MOB3A: variants seen among roughly 807,000 people sequenced by gnomAD.
MOB3A encodes MOB LAK.
Under a neutral mutation model 17.8 loss-of-function variants are expected in MOB3A, and 17 were observed. The observed-to-expected ratio is 0.95, with a 90% CI of 0.65 to 1.43. MOB3A has a LOEUF of 1.43. Ranked by LOEUF, MOB3A falls within the 40% of genes most tolerant of loss-of-function variation. MOB3A has a pLI of 0.00. For synonymous variants in MOB3A, 124 were observed against 133.2 expected (o/e 0.93, Z 0.48); for missense variants, 333 against 310.8 (o/e 1.07, Z -0.54).
chr19:2,080,308 C>T (rs547111443), intron 2 of MOB3A, among the ~76,000 whole-genome samples: 11 of 152,122 alleles, frequency 7.2e-5, no homozygotes, highest in African/African-American at 2.6e-4. Context: ...CATGCCCAGG[C>T]CTCCTGGGCT....
Position 2,076,939 on chromosome 19 carries a change from C to T in MOB3A, c.496G>A (p.Val166Ile), listed in dbSNP as rs778043036. ...LSRLFRVFVH[V>I]YIHHFDRIAQ... ...ATGCGGTCAAAGTGGTGGATGTAGA[C>T]GTGCACGAACACGCGGAACAGCCGC... is the stretch of plus-strand genomic sequence containing the variant. The change falls in exon 4 of 5, where the codon GTC (valine) becomes ATC (isoleucine). Residue 166 changes from valine (V) to isoleucine (I), a missense_variant. By Grantham distance (29) the Val-to-Ile change is conservative. Transcript: ENST00000357066. 6.2e-7 allele frequency: 1 copy of T among 1,614,002 alleles called. No individual in the cohort carries two copies. The highest frequency in any genetic ancestry group is 1.7e-5 in the Admixed American group (1 of 60,012).
intron 2 of MOB3A, chr19:2,083,988 T>C (rs966155218): frequency 9.2e-6 from 3 of 325,142 alleles, no homozygotes; most frequent in African/African-American, 2.2e-5. Flanking sequence ...CCCAGGCTGG[T>C]CTTGAACTCC....
At chr19:2,084,592 T>C (rs1373066108) in intron 2 of MOB3A, among the ~76,000 whole-genome samples, 1 of 151,796 alleles carries the variant, frequency 6.6e-6, no homozygotes, top group African/African-American at 2.4e-5. Context: ...GTTTTTTTTT[T>C]CCTTTTTATT....
rs768815614 is a variant in MOB3A, at chr19:2,078,395, C to T, written c.166G>A (p.Asp56Asn). 1 of 1,614,170 alleles carries T rather than the reference C, an allele frequency of 6.2e-7. No homozygotes were observed. Among genetic ancestry groups the T allele is most frequent in the Admixed American group, 1.7e-5 (1 of 60,016 alleles). Residue 56 changes from aspartate (D) to asparagine (N), a missense_variant, in exon 3 of 5, where the codon GAC becomes AAC. Asp to Asn is a conservative substitution (Grantham distance 23, BLOSUM62 1). Coordinates refer to ENST00000357066, the MANE Select transcript of MOB3A (RefSeq NM_130807.3). ...TGAACAGCCACCCAGTCGTTCAGGT[C>T]CTCGCCCGGGGGCAACTGCACGGCC... ...RLAVQLPPGE[D>N]LNDWVAVHVV... is the part of the protein sequence containing the mutation.
rs1213227604 is a variant in MOB3A, at chr19:2,094,198, C to T, written c.-274+2028G>A. On this transcript the variant is annotated intron_variant, in intron 1 of 4. Coordinates refer to ENST00000357066, the MANE Select transcript of MOB3A (RefSeq NM_130807.3). ...AGTAGCTGGGACTACGGGCACCCGC[C>T]GCCACGCCCGGCTAATTTTTTTGTC... Among the ~76,000 whole-genome samples the T allele has an allele frequency of 2.6e-5, 4 of 151,982 alleles. No individual in the cohort carries two copies. The South Asian group carries it at 8.3e-4, about 32-fold the overall frequency.
rs746478633 is a variant in MOB3A at position 2,078,251 on chromosome 19, C to T, written c.310G>A (p.Glu104Lys). 8.7e-6 allele frequency: 14 copies of T among 1,614,092 alleles called. No individual in the cohort carries two copies. In the South Asian group the frequency reaches 1.2e-4, roughly 14 times the overall value. ...GPKYEYRWQDEHKFRKPTALS... is the reference protein window; with the variant it reads ...GPKYEYRWQDKHKFRKPTALS... ...GCCGTGGGCTTCCGGAACTTATGCT[C>T]ATCCTGCCAGCGGTACTCATACTTG... The change falls in exon 3 of 5, where the codon GAG (glutamate) becomes AAG (lysine). Residue 104 changes from glutamate (E) to lysine (K), a missense_variant. Transcript: ENST00000357066.
chr19:2,072,065 GCTGC>G lies in MOB3A; in HGVS notation c.*1326_*1329del, dbSNP rs1169843870. 6.6e-6 allele frequency: 1 copy of G among 152,182 alleles called. No homozygotes were observed. Among genetic ancestry groups the G allele is most frequent in the African/African-American group, 2.4e-5 (1 of 41,402 alleles). 9.4% of individuals were successfully genotyped at this position (152,182 alleles called of 1,614,324 possible). A position where few individuals can be genotyped will look rare whatever the true frequency, so the allele number is the denominator to read the frequency against. On this transcript the variant is annotated 3_prime_UTR_variant, in exon 5 of 5. Transcript: ENST00000357066. ...GTGACGGTGGGTGCCTGTAGTCCCAGCTGCTGGGGAGGCTGAGGCAGGAGAATGG... is the reference window on the plus strand; with the variant it reads ...GTGACGGTGGGTGCCTGTAGTCCCAGTGGGGAGGCTGAGGCAGGAGAATGG...
intron 3 of MOB3A, 118 bp downstream of exon 3, chr19:2,078,022 C>T (rs375762565): frequency 2.2e-5 from 24 of 1,075,398 alleles, no homozygotes; most frequent in South Asian, 7.6e-5. Flanking sequence ...TGGGCTCAAG[C>T]GATCCCTGGG....
intron 1 of MOB3A, chr19:2,095,347 C>T (rs1035506707): frequency 6.6e-6 from 1 of 152,110 alleles, no homozygotes; most frequent in African/African-American, 2.4e-5. Flanking sequence ...CCCTCGCTTA[C>T]ACTTTCTAGC....
intron 2 of MOB3A, 50 bp from the exon 3 acceptor site, chr19:2,078,729 G>A (rs556855267): frequency 1.1e-4 from 69 of 630,088 alleles, no homozygotes; most frequent in East Asian, 4.1e-4. Context: ...AGAATTTCCC[G>A]GAAACTCGTG....
At chr19:2,091,692 CT>C (rs964218108) in intron 1 of MOB3A, among the ~76,000 whole-genome samples, 1 of 150,094 alleles carries the variant, frequency 6.7e-6, no homozygotes, top group Non-Finnish European at 1.5e-5. Context: ...GCTCTAAGAC[CT>C]TTTTTGTTAA....
rs182467488 is a variant in MOB3A at position 2,090,904 on chromosome 19, C to T, written c.-274+5322G>A. Among the ~76,000 whole-genome samples, 38 of 152,290 alleles carry T rather than the reference C, an allele frequency of 2.5e-4. No individual in the cohort carries two copies. The East Asian group carries it at 4.1e-3, about 16-fold the overall frequency. On this transcript the variant is annotated intron_variant, in intron 1 of 4. Coordinates refer to ENST00000357066, the MANE Select transcript of MOB3A (RefSeq NM_130807.3). ...GTCTCGATCTCCTGACCTCGTGATC[C>T]GCCCACCTTGGCCTCCCAAAGTGTT...
At chr19:2,080,503 G>T (rs551742320) in intron 2 of MOB3A, among the ~76,000 whole-genome samples, 2 of 151,810 alleles carry the variant, frequency 1.3e-5, no homozygotes, top group East Asian at 3.9e-4. Flanking sequence ...TCAGCCTCCC[G>T]AGTAGCTGGC....
intron 2 of MOB3A, among the ~76,000 whole-genome samples, chr19:2,079,185 C>CG (rs1449440966): frequency 6.6e-6 from 1 of 152,260 alleles, no homozygotes; most frequent in Non-Finnish European, 1.5e-5. Flanking sequence ...TGCGCAGAGC[C>CG]GGGCCCCAAG....
Position 2,077,006 on chromosome 19 carries a change from C to T in MOB3A, c.429G>A (p.Pro143=), listed in dbSNP as rs759168837. 41 of 1,612,936 alleles carry T rather than the reference C, an allele frequency of 2.5e-5. No homozygotes were observed. Among genetic ancestry groups the T allele is most frequent in the Non-Finnish European group, 3.2e-5 (38 of 1,179,718 alleles). The change falls in exon 4 of 5, where the codon CCG becomes CCA. Residue 143 remains proline, a synonymous_variant. Coordinates refer to ENST00000357066, the MANE Select transcript of MOB3A (RefSeq NM_130807.3). The part of the protein sequence containing the change: ...EDLFPTNVGT[P]FPKNFLQTVR... Reference sequence around the variant, plus strand: ...CCGTCTGCAGGAAGTTCTTGGGAAACGGAGTGCCTGCAGGGAGAGGGGTGG... The same window carrying T: ...CCGTCTGCAGGAAGTTCTTGGGAAATGGAGTGCCTGCAGGGAGAGGGGTGG...
chr19:2,073,130 A>G lies in MOB3A; in HGVS notation c.*265T>C. 1.8e-6 allele frequency: 1 copy of G among 554,276 alleles called. No individual in the cohort carries two copies. Among genetic ancestry groups the G allele is most frequent in the Admixed American group, 3.2e-5 (1 of 30,906 alleles). 34.3% of individuals were successfully genotyped at this position (554,276 alleles called of 1,614,324 possible). ...GAAAGTGGAAGTGGTTTAAAAACACAGTGGGCTTTTCCGGTTGCTAGTAAC... is the reference window on the plus strand; with the variant it reads ...GAAAGTGGAAGTGGTTTAAAAACACGGTGGGCTTTTCCGGTTGCTAGTAAC... On this transcript the variant is annotated 3_prime_UTR_variant, in exon 5 of 5. Transcript: ENST00000357066.
At chr19:2,073,507 A>C (rs2017366382) in intron 4 of MOB3A, 83 bp from the exon 5 acceptor site, 1 of 1,585,852 alleles carries the variant, frequency 6.3e-7, no homozygotes, top group African/African-American at 1.3e-5. Context: ...GGAGACGCAC[A>C]GGCAGAGAAA....
rs983665141 is a variant in MOB3A, at chr19:2,082,905, C to G, written c.-120+2270G>C. On this transcript the variant is annotated intron_variant, in intron 2 of 4. Coordinates refer to ENST00000357066, the MANE Select transcript of MOB3A (RefSeq NM_130807.3). This position sits in a 1 kb window ranked among gnomAD's most constrained non-coding sequence, Gnocchi z 4.1. Reference sequence around the variant, plus strand: ...TGGCTCACACTTCAGCCTCGACCTCCTAGCTCAAGGGATCCTCCTGCCTCA... The same window carrying G: ...TGGCTCACACTTCAGCCTCGACCTCGTAGCTCAAGGGATCCTCCTGCCTCA... Among the ~76,000 whole-genome samples, 2 of 152,148 alleles carry G rather than the reference C, an allele frequency of 1.3e-5. No individual in the cohort carries two copies. Among genetic ancestry groups the G allele is most frequent in the African/African-American group, 4.8e-5 (2 of 41,440 alleles).
chr19:2,093,841 G>A lies in MOB3A; in HGVS notation c.-274+2385C>T, dbSNP rs113573684. On this transcript the variant is annotated intron_variant, in intron 1 of 4. Transcript: ENST00000357066. This position sits in a 1 kb window ranked among gnomAD's most constrained non-coding sequence, Gnocchi z 4.6. ...AAAGGGAAACACATCCAGGGGGTCC[G>A]GAGGACAGGGACGTGACATGCTGGG... Among the ~76,000 whole-genome samples the A allele has an allele frequency of 6.6e-4, 101 of 152,230 alleles. 1 individual carries two copies. Among genetic ancestry groups the A allele is most frequent in the African/African-American group, 2.2e-3 (91 of 41,538 alleles).
Sources: gnomAD v4.1 joint callset for allele counts (sites outside exome capture counted in the v4.1 genomes callset) on GRCh38, gnomAD v4.1.1 for gene constraint, Gnocchi (gnomAD v3.1) non-coding constraint, MANE v1.5 for transcripts, NCBI Gene and HGNC (gene_info 2026-07-23, HGNC 2026-07-21) for gene names.